The following PHF21A variants were observed in gnomAD, a reference collection of about 807,000 sequenced individuals.
PHF21A encodes BHC80a.
Under a neutral mutation model 82.5 loss-of-function variants are expected in PHF21A, and 11 were observed. The ratio of observed to expected loss-of-function variants is 0.13; its 90% confidence interval spans 0.08 to 0.22. PHF21A has a LOEUF of 0.22. Among genes scored for constraint, PHF21A ranks in the 10% least tolerant of loss-of-function variants. PHF21A has a pLI of 1.00. For synonymous variants in PHF21A, 297 were observed against 302.8 expected (o/e 0.98, Z 0.20); for missense variants, 579 against 837.8 (o/e 0.69, Z 3.81).
chr11:45,956,404 G>A (rs1233083010), intron 10 of PHF21A, among the ~76,000 whole-genome samples: 2 of 152,092 alleles, frequency 1.3e-5, no homozygotes, highest in Non-Finnish European at 2.9e-5. Flanking sequence ...CAACATAAAG[G>A]AGGGGCAGAG....
At chr11:46,031,315 C>T (rs1007940186) in intron 6 of PHF21A, among the ~76,000 whole-genome samples, 2 of 152,228 alleles carry the variant, frequency 1.3e-5, no homozygotes, top group Non-Finnish European at 2.9e-5. Context: ...TACTCCCACA[C>T]CCCATTTCTT....
At chr11:46,029,476 T>G (rs1394670609) in intron 6 of PHF21A, among the ~76,000 whole-genome samples, 1 of 152,124 alleles carries the variant, frequency 6.6e-6, no homozygotes. Flanking sequence ...TCACTTGAGA[T>G]CAGGAGTTCA....
chr11:46,058,363 G>C (rs2139399958), intron 6 of PHF21A, among the ~76,000 whole-genome samples: 1 of 152,272 alleles, frequency 6.6e-6, no homozygotes, highest in South Asian at 2.1e-4. Context: ...TTAAGACTTT[G>C]AAAGGATATT....
At chr11:46,103,185 C>T (rs1458137455) in intron 1 of PHF21A, among the ~76,000 whole-genome samples, 11 of 152,204 alleles carry the variant, frequency 7.2e-5, no homozygotes, top group Admixed American at 5.2e-4. Flanking sequence ...ACTCAACCCC[C>T]AAACGCTTGT....
rs2135936978 is a variant in PHF21A at position 45,965,512 on chromosome 11, G to A, written c.799C>T (p.Leu267=). The change falls in exon 10 of 19, where the codon CTG becomes TTG. Residue 267 remains leucine (L), a synonymous_variant. Coordinates refer to ENST00000676320, the MANE Select transcript of PHF21A (RefSeq NM_001352027.3). The part of the protein sequence containing the change: ...APQLIQRPVM[L]TKFTPTTLPT... ...AGGGTTGTGGGGGTGAACTTGGTCA[G>A]CATGACGGGCCTCTGGATAAGCTGA... 1 of 1,611,804 alleles carries A rather than the reference G, an allele frequency of 6.2e-7. No homozygotes were observed. The highest frequency in any genetic ancestry group is 2.2e-5 in the East Asian group (1 of 44,854).
intron 6 of PHF21A, among the ~76,000 whole-genome samples, chr11:45,994,002 T>C (rs1368815610): frequency 6.6e-6 from 1 of 152,144 alleles, no homozygotes; most frequent in Non-Finnish European, 1.5e-5. Flanking sequence ...ACTGTACTTC[T>C]GTCATCCAAG....
chr11:46,061,833 G>C (rs1383903280), intron 6 of PHF21A, among the ~76,000 whole-genome samples: 1 of 152,112 alleles, frequency 6.6e-6, no homozygotes, highest in Non-Finnish European at 1.5e-5. Flanking sequence ...TTTCTCGTTT[G>C]ATGGAGAACC....
intron 1 of PHF21A, chr11:46,117,138 G>A (rs1851558850): frequency 6.6e-6 from 1 of 152,106 alleles, no homozygotes; most frequent in African/African-American, 2.4e-5. Flanking sequence ...CATTTATGAA[G>A]AACTTTTATA....
At chr11:46,019,724 C>T (rs951567696) in intron 6 of PHF21A, among the ~76,000 whole-genome samples, 2 of 152,180 alleles carry the variant, frequency 1.3e-5, no homozygotes, top group Non-Finnish European at 2.9e-5. Context: ...TTAGATTTAA[C>T]TGGTTCCTTT....
Position 45,973,269 on chromosome 11 carries a change from A to G in PHF21A, c.361-1902T>C, listed in dbSNP as rs1351445159. 2.0e-5 allele frequency among the ~76,000 whole-genome samples: 3 copies of G among 152,202 alleles called. No homozygotes were observed. In the East Asian group the frequency reaches 5.8e-4, roughly 29 times the overall value. On this transcript the variant is annotated intron_variant, in intron 7 of 18. Transcript: ENST00000676320. ...TATTTCCAACATCACAGAAAGTTCT[A>G]TCACTGTGCAATACCAGTGAAAAGT...
At chr11:45,995,762 A>T (rs2136835194) in intron 6 of PHF21A, among the ~76,000 whole-genome samples, 1 of 152,336 alleles carries the variant, frequency 6.6e-6, no homozygotes, top group South Asian at 2.1e-4. Flanking sequence ...TGGCACACAT[A>T]TTCAGCTCAA....
At chr11:45,957,501 T>G (rs2092727190) in intron 10 of PHF21A, among the ~76,000 whole-genome samples, 1 of 151,450 alleles carries the variant, frequency 6.6e-6, no homozygotes, top group Non-Finnish European at 1.5e-5. Context: ...AACTCACAAG[T>G]GTATGGAAAT....
Position 45,938,250 on chromosome 11 carries a change from G to A in PHF21A, c.1515C>T (p.Asp505=), listed in dbSNP as rs1349299231. ...CRKSGQLLMC[D]TCSRVYHLDC... ...CCAAATGATATACACGGGAACATGTGTCGCACATCAGTAACTGGCCACTTT... is the reference window on the plus strand; with the variant it reads ...CCAAATGATATACACGGGAACATGTATCGCACATCAGTAACTGGCCACTTT... Residue 505 remains aspartate, a synonymous_variant, in exon 16 of 19, where the codon GAC becomes GAT. Coordinates refer to ENST00000676320, the MANE Select transcript of PHF21A (RefSeq NM_001352027.3). 6.2e-7 allele frequency: 1 copy of A among 1,611,718 alleles called. No homozygotes were observed. The highest frequency in any genetic ancestry group is 8.5e-7 in the Non-Finnish European group (1 of 1,178,984).
chr11:45,983,434 T>TGCTGTGTTCACCAGATTAGAATA (rs2094380323), intron 6 of PHF21A, among the ~76,000 whole-genome samples: 1 of 152,156 alleles, frequency 6.6e-6, no homozygotes, highest in African/African-American at 2.4e-5. Context: ...CCTTACTCCT[T>TGCTGTGTTCACCAGATTAGAATA]GCTGTGTTCA....
chr11:46,054,212 T>A (rs536972098), intron 6 of PHF21A, among the ~76,000 whole-genome samples: 16 of 152,236 alleles, frequency 1.1e-4, no homozygotes, highest in South Asian at 2.1e-4. Context: ...TTTAAAAAAA[T>A]TTTTTTCTAA....
At chr11:46,058,248 T>C (rs1251794879) in intron 6 of PHF21A, among the ~76,000 whole-genome samples, 1 of 152,208 alleles carries the variant, frequency 6.6e-6, no homozygotes, top group Non-Finnish European at 1.5e-5. Flanking sequence ...CTTCCAATCA[T>C]TTACTTAGAA....
chr11:45,934,383 C>A (rs556291726), intron 18 of PHF21A, 158 bp from the exon 19 acceptor site: 3 of 670,570 alleles, frequency 4.5e-6, no homozygotes, highest in South Asian at 1.9e-5. Flanking sequence ...GTGGAGTGGG[C>A]GGCTACCACC....
intron 6 of PHF21A, among the ~76,000 whole-genome samples, chr11:46,054,856 T>C (rs2096428015): frequency 6.6e-6 from 1 of 152,162 alleles, no homozygotes; most frequent in South Asian, 2.1e-4. Context: ...CTTGAAGCAA[T>C]ACAGTAGAAG....
rs1194959390 is a variant in PHF21A at position 45,930,273 on chromosome 11, C to A, written c.*3695G>T. 2 of 152,434 alleles carry A rather than the reference C, an allele frequency of 1.3e-5. No homozygotes were observed. Among genetic ancestry groups the A allele is most frequent in the East Asian group, 3.9e-4 (2 of 5,176 alleles). 9.4% of individuals were successfully genotyped at this position (152,434 alleles called of 1,614,324 possible). On this transcript the variant is annotated 3_prime_UTR_variant, in exon 19 of 19. Transcript: ENST00000676320. ...GAAGCGTGCTGCAGACACGGTCACC[C>A]TCACGGAAACAGCTGTGTGTAACCA...
Sources: allele counts gnomAD v4.1 joint callset (sites outside exome capture counted in the v4.1 genomes callset), GRCh38; gene constraint gnomAD v4.1.1; transcripts MANE v1.5; gene names NCBI Gene and HGNC (gene_info 2026-07-23, HGNC 2026-07-21).